Variants in NRG1 observed in about 807,000 individuals in gnomAD.
The protein encoded by NRG1 is pro-neuregulin-1, membrane-bound isoform.
NRG1 carries 18 observed loss-of-function variants against 63.8 expected under a neutral mutation model. That is an observed-to-expected ratio of 0.28 (90% CI 0.19 to 0.42). The LOEUF is 0.42. NRG1 is among the 10% of genes least tolerant of loss of function. The probability of loss-of-function intolerance (pLI) is 1.00; values close to 1 mark genes in which losing one functional copy is unlikely to be tolerated. For synonymous variants in NRG1, 302 were observed against 301.3 expected, an observed-to-expected ratio of 1.00 and a Z score of -0.02; for missense variants, 762 against 814.7, an observed-to-expected ratio of 0.94 and a Z score of 0.79.
intron 1 of NRG1, among the ~76,000 whole-genome samples, chr8:32,585,231 A>G (rs1270222402): frequency 2.0e-5 from 3 of 152,222 alleles, no homozygotes; most frequent in Admixed American, 2.0e-4. Flanking sequence ...ATGACAATGG[A>G]AAAAATCATA....
chr8:32,673,082 A>C (rs1414816887), intron 5 of NRG1, among the ~76,000 whole-genome samples: 1 of 152,250 alleles, frequency 6.6e-6, no homozygotes, highest in Non-Finnish European at 1.5e-5. Context: ...AAACAAACCA[A>C]AGCCAAAAAC....
intron 1 of NRG1, among the ~76,000 whole-genome samples, chr8:31,958,084 C>T (rs993661): frequency 0.71 from 87,413 of 123,260 alleles, 28,727 homozygotes; most frequent in South Asian, 0.79. Context: ...GATAGATAGA[C>T]AGACAGATAG....
intron 1 of NRG1, among the ~76,000 whole-genome samples, chr8:31,889,031 G>A (rs916999325): frequency 6.6e-6 from 1 of 152,042 alleles, no homozygotes. Flanking sequence ...CATTAAAAGA[G>A]GATCTAAAGA....
At chr8:31,868,502 C>T (rs892778696) in intron 1 of NRG1, among the ~76,000 whole-genome samples, 2 of 152,162 alleles carry the variant, frequency 1.3e-5, no homozygotes, top group African/African-American at 4.8e-5. Context: ...ATGCCATACT[C>T]AAGACCTACA....
chr8:31,782,581 C>T lies in NRG1; in HGVS notation c.37+143150C>T, dbSNP rs189239766. On this transcript the variant is annotated intron_variant, in intron 1 of 10. Transcript: ENST00000519301. ...AATAATGAATGAATAAATGATTAGC[C>T]TTTAATTTGTATTCATTCGTACACA... is the stretch of plus-strand genomic sequence containing the variant. 4.1e-4 allele frequency among the ~76,000 whole-genome samples: 63 copies of T among 152,206 alleles called. 1 individual carries two copies. The East Asian group carries it at 9.3e-3, about 22-fold the overall frequency.
intron 1 of NRG1, among the ~76,000 whole-genome samples, chr8:31,921,456 A>G (rs1833908240): frequency 7.5e-6 from 1 of 132,634 alleles, no homozygotes; most frequent in South Asian, 2.7e-4. Flanking sequence ...TTCACAATCT[A>G]TTTACACACA....
rs115663151 is a variant in NRG1, at chr8:32,040,270, C to A, written c.37+400839C>A. On this transcript the variant is annotated intron_variant, in intron 1 of 10. Transcript: ENST00000519301. ...GATCCTAGTTGATTACCTGAGCAAC[C>A]ATTTGCCTATGTGTATTTCAATTTA... Among the ~76,000 whole-genome samples, 1,299 of 152,242 alleles carry A rather than the reference C, an allele frequency of 8.5e-3. 19 individuals carry two copies. The highest frequency in any genetic ancestry group is 0.029 in the African/African-American group (1,190 of 41,560).
intron 1 of NRG1, among the ~76,000 whole-genome samples, chr8:32,215,908 G>T (rs537432282): frequency 6.6e-6 from 1 of 152,140 alleles, no homozygotes; most frequent in South Asian, 2.1e-4. Context: ...CAGGCTGGTG[G>T]TGTGTGCCTG....
intron 1 of NRG1, among the ~76,000 whole-genome samples, chr8:32,461,530 C>G (rs1169565061): frequency 6.6e-6 from 1 of 152,096 alleles, no homozygotes; most frequent in East Asian, 1.9e-4. Flanking sequence ...GAAACCCCAT[C>G]TCTACTAAAA....
intron 5 of NRG1, among the ~76,000 whole-genome samples, chr8:32,635,072 C>T (rs1408399729): frequency 6.6e-6 from 1 of 152,202 alleles, no homozygotes; most frequent in Non-Finnish European, 1.5e-5. Flanking sequence ...TCAGGCTTCT[C>T]TTCCATTTTC....
chr8:31,747,869 T>G (rs1023396950), intron 1 of NRG1, among the ~76,000 whole-genome samples: 3 of 152,012 alleles, frequency 2.0e-5, no homozygotes, highest in Non-Finnish European at 4.4e-5. Context: ...TCTTGGCTGC[T>G]GATGTATATT....
chr8:32,082,223 TTTA>T (rs1406037125), intron 1 of NRG1, among the ~76,000 whole-genome samples: 1 of 151,896 alleles, frequency 6.6e-6, no homozygotes, highest in Non-Finnish European at 1.5e-5. Flanking sequence ...TAATTTTTAT[TTTA>T]GGTTCCAGGG....
chr8:31,640,378 C>G lies in NRG1; in HGVS notation c.37+947C>G. 1.5e-6 allele frequency: 2 copies of G among 1,292,494 alleles called. No individual in the cohort carries two copies. The highest frequency in any genetic ancestry group is 2.0e-6 in the Non-Finnish European group (2 of 1,017,430). 80.1% of individuals were successfully genotyped at this position (1,292,494 alleles called of 1,614,324 possible). A position where few individuals can be genotyped will look rare whatever the true frequency, so the allele number is the denominator to read the frequency against. On this transcript the variant is annotated intron_variant, in intron 1 of 10. Coordinates refer to the NRG1 transcript ENST00000519301. The surrounding 1 kb of genome is among the most constrained non-coding windows in gnomAD (Gnocchi z 6.3). ...GGCGCTGGGGCCGCCCGCCGAGGAG[C>G]CGCTGCTCGCCGCCAACGGGACCGT...
rs773203854 is a variant in NRG1, at chr8:32,252,579, G to A, written c.38-343249G>A. Among the ~76,000 whole-genome samples, 124 of 152,302 alleles carry A rather than the reference G, an allele frequency of 8.1e-4. 1 individual carries two copies. The highest frequency in any genetic ancestry group is 3.4e-3 in the Middle Eastern group (1 of 294). On this transcript the variant is annotated intron_variant, in intron 1 of 10. Coordinates refer to the NRG1 transcript ENST00000519301. ...ATATCTGTTTTGGTACCAGTACCAT[G>A]CTGTTTGGGTTACTGTAGCCTTGTA...
chr8:32,569,195 G>T (rs1307243279), intron 1 of NRG1, among the ~76,000 whole-genome samples: 1 of 152,056 alleles, frequency 6.6e-6, no homozygotes, highest in Middle Eastern at 3.4e-3. Flanking sequence ...GATTACAGGC[G>T]CACACCACCA....
chr8:32,373,205 AT>A (rs1158097763), intron 1 of NRG1, among the ~76,000 whole-genome samples: 1 of 152,150 alleles, frequency 6.6e-6, no homozygotes, highest in Non-Finnish European at 1.5e-5. Context: ...CAGGCAGCTG[AT>A]TTTTTTAAAA....
At chr8:32,203,611 C>T (rs1309783031) in intron 1 of NRG1, among the ~76,000 whole-genome samples, 1 of 152,064 alleles carries the variant, frequency 6.6e-6, no homozygotes, top group African/African-American at 2.4e-5. Context: ...ATCCACCTTC[C>T]TTGTCTTCCC....
chr8:31,864,572 G>A (rs531962812), intron 1 of NRG1, among the ~76,000 whole-genome samples: 7 of 152,244 alleles, frequency 4.6e-5, no homozygotes, highest in African/African-American at 1.4e-4. Context: ...TCAAGAAACT[G>A]AAAGGCGGAA....
intron 1 of NRG1, among the ~76,000 whole-genome samples, chr8:31,913,594 C>T (rs368640123): frequency 1.3e-5 from 2 of 151,992 alleles, no homozygotes; most frequent in Admixed American, 6.6e-5. Flanking sequence ...CCAAGGGCCT[C>T]GTAGATTACT....
Sources: gnomAD v4.1 joint callset for allele counts (sites outside exome capture counted in the v4.1 genomes callset) on GRCh38, gnomAD v4.1.1 for gene constraint, Gnocchi (gnomAD v3.1) non-coding constraint, MANE v1.5 for transcripts, NCBI Gene and HGNC (gene_info 2026-07-23, HGNC 2026-07-21) for gene names.